The following SEMA3B variants were observed in gnomAD, a reference collection of about 807,000 sequenced individuals.
The protein encoded by SEMA3B is semaphorin-3B.
A neutral mutation model predicts 77.8 loss-of-function variants in SEMA3B; 71 were observed. The ratio of observed to expected loss-of-function variants is 0.91; its 90% CI spans 0.75 to 1.11. The LOEUF (loss-of-function observed/expected upper bound fraction) is 1.11, where lower values mean the gene tolerates loss of function less well. SEMA3B is among the 50% of genes most tolerant of loss of function. The pLI is 0.00. For missense variants in SEMA3B, 968 were observed against 1,056.8 expected (o/e 0.92, Z 1.17); for synonymous variants, 470 against 452.9 (o/e 1.04, Z -0.48).
Position 50,273,484 on chromosome 3 carries a change from CCCCTTTG to C in SEMA3B, c.810+44_811-42del. The C allele has an allele frequency of 6.2e-7, 1 of 1,609,830 alleles. No homozygotes were observed. The highest frequency in any genetic ancestry group is 8.5e-7 in the Non-Finnish European group (1 of 1,176,970). On this transcript the variant is annotated intron_variant, in intron 7 of 16. Transcript: ENST00000616701. The surrounding 1 kb of genome is among the most constrained non-coding windows in gnomAD (Gnocchi z 6.5). The stretch of plus-strand genomic sequence containing the variant: ...GCCACACCCGGCGACCCTGCCCCTA[CCCCTTTG>C]CCTGCCCTGGTCTCGCCCTCATCCC...
upstream of SEMA3B, chr3:50,267,531 C>CCTG (rs1320701515): frequency 6.6e-6 from 1 of 152,448 alleles, no homozygotes; most frequent in Non-Finnish European, 1.5e-5. This position sits in a 1 kb window ranked among gnomAD's most constrained non-coding sequence, Gnocchi z 5.7. Flanking sequence ...GTCCCGGCTG[C>CCTG]CTGCCCGGTC....
chr3:50,275,446 C>T lies in SEMA3B; in HGVS notation c.1636C>T (p.Pro546Ser). ...WDGVACTRFQ[P>S]SAKRRFRRQD... ...CGGGGTCGCGTGCACGCGCTTCCAG[C>T]CCAGTGCCAAGAGGTGGGCGGGGTC... Residue 546 changes from proline (P) to serine (S), a missense_variant, in exon 14 of 17, where the codon CCC becomes TCC. Coordinates refer to ENST00000616701, the MANE Select transcript of SEMA3B (RefSeq NM_001290060.2). This position sits in a 1 kb window ranked among gnomAD's most constrained non-coding sequence, Gnocchi z 7.5. The T allele has an allele frequency of 1.2e-6, 2 of 1,607,438 alleles. No individual in the cohort carries two copies. Among genetic ancestry groups the T allele is most frequent in the Admixed American group, 1.7e-5 (1 of 59,488 alleles).
In SEMA3B at chr3:50,269,187, C is replaced by A; in HGVS notation, c.-54C>A. ...TCCTGGGGCAGAGTCCAGGGCAGCT[C>A]AAGGCTCCTCCACACACACACCCGC... On this transcript the variant is annotated 5_prime_UTR_variant, in exon 1 of 17. Transcript: ENST00000616701. The surrounding 1 kb of genome is among the most constrained non-coding windows in gnomAD (Gnocchi z 4.0). The A allele has an allele frequency of 1.5e-6, 2 of 1,342,184 alleles. No homozygotes were observed. Among genetic ancestry groups the A allele is most frequent in the South Asian group, 1.3e-5 (1 of 79,874 alleles). The allele number at this position is 1,342,184 out of a possible 1,614,324, so 83.1% of individuals were successfully genotyped here.
chr3:50,263,491 C>T (rs1553704161), upstream of SEMA3B: 3 of 122,326 alleles, frequency 2.5e-5, no homozygotes, highest in South Asian at 2.6e-4. Context: ...AAAGCAAGAT[C>T]CTGTCTCAAA....
rs1701237121 is a variant in SEMA3B at position 50,276,191 on chromosome 3, C to T, written c.1846-111C>T. On this transcript the variant is annotated intron_variant, in intron 16 of 16. Transcript: ENST00000616701. This position sits in a 1 kb window ranked among gnomAD's most constrained non-coding sequence, Gnocchi z 5.8. Reference sequence around the variant, plus strand: ...AATGTGCGCCTGCGGGCACCCCTTTCCCGCTCCACCTCGGCTCCCAATGAC... The same window carrying T: ...AATGTGCGCCTGCGGGCACCCCTTTTCCGCTCCACCTCGGCTCCCAATGAC... 1.5e-6 allele frequency: 2 copies of T among 1,367,168 alleles called. No homozygotes were observed. Among genetic ancestry groups the T allele is most frequent in the Non-Finnish European group, 1.9e-6 (2 of 1,045,852 alleles). 84.7% of individuals were successfully genotyped at this position (1,367,168 alleles called of 1,614,324 possible).
At position 50,276,905 on chromosome 3, in the gene SEMA3B, C is replaced by T. The variant is rs13336; in HGVS notation, c.*199C>T. The T allele has an allele frequency of 1.0e-5, 6 of 594,398 alleles. No homozygotes were observed. The highest frequency in any genetic ancestry group is 2.0e-5 in the African/African-American group (1 of 50,834). 36.8% of individuals were successfully genotyped at this position (594,398 alleles called of 1,614,324 possible). ...GGATAACCCTTGAATGTAGCAGCCC[C>T]GGGAGGGCGGCACAGGTCGGGCGCA... On this transcript the variant is annotated 3_prime_UTR_variant, in exon 17 of 17. Transcript: ENST00000616701. The surrounding 1 kb of genome is among the most constrained non-coding windows in gnomAD (Gnocchi z 5.8).
chr3:50,275,876 C>A lies in SEMA3B; in HGVS notation c.1845+32C>A, dbSNP rs782031466. Reference sequence around the variant, plus strand: ...CTTACTCCGCCCTCCCCGCCAGGCTCCTGTCCCACCCCCTGCATCCAGGAG... The same window carrying A: ...CTTACTCCGCCCTCCCCGCCAGGCTACTGTCCCACCCCCTGCATCCAGGAG... On this transcript the variant is annotated intron_variant, in intron 16 of 16. Transcript: ENST00000616701. This position sits in a 1 kb window ranked among gnomAD's most constrained non-coding sequence, Gnocchi z 7.5. 6.4e-7 allele frequency: 1 copy of A among 1,551,694 alleles called. No homozygotes were observed. Among genetic ancestry groups the A allele is most frequent in the South Asian group, 1.2e-5 (1 of 83,510 alleles).
At chr3:50,269,009 G>A, upstream of SEMA3B, 1 of 580,410 alleles carries the variant, frequency 1.7e-6, no homozygotes, top group Admixed American at 3.1e-5. The surrounding 1 kb of genome is among the most constrained non-coding windows in gnomAD (Gnocchi z 4.0). Context: ...GGGTGTGTCT[G>A]TGATTGTGGC....
At position 50,273,537 on chromosome 3, in the gene SEMA3B, C is replaced by T; in HGVS notation, c.813C>T (p.Asn271=). 1 of 1,612,430 alleles carries T rather than the reference C, an allele frequency of 6.2e-7. No individual in the cohort carries two copies. The highest frequency in any genetic ancestry group is 8.5e-7 in the Non-Finnish European group (1 of 1,179,076). Residue 271 remains asparagine (N), a splice_region_variant and synonymous_variant, in exon 8 of 17, where the codon AAC becomes AAT. Coordinates refer to ENST00000616701, the MANE Select transcript of SEMA3B (RefSeq NM_001290060.2). This position sits in a 1 kb window ranked among gnomAD's most constrained non-coding sequence, Gnocchi z 6.5. ...SVSRVGQICR[N]DVGGQRSLVN... ...ATCCCCTTTGATCGTCCCGGCAGAACGACGTGGGCGGCCAGCGCAGCCTGG... is the reference window on the plus strand; with the variant it reads ...ATCCCCTTTGATCGTCCCGGCAGAATGACGTGGGCGGCCAGCGCAGCCTGG...
chr3:50,273,317 A>T lies in SEMA3B; in HGVS notation c.684A>T (p.Val228=). The change falls in exon 7 of 17, where the codon GTA becomes GTT. Residue 228 remains valine (V), a synonymous_variant. Transcript: ENST00000616701. The surrounding 1 kb of genome is among the most constrained non-coding windows in gnomAD (Gnocchi z 6.5). ...GGTCAGAGCCCAAGTTTGTCAAGGT[A>T]TTTTGGATCCCGGAGAGCGAGAACC... ...RWLNEPKFVK[V]FWIPESENPD... 6.2e-7 allele frequency: 1 copy of T among 1,613,886 alleles called. No homozygotes were observed.
Position 50,270,421 on chromosome 3 carries a change from A to G in SEMA3B, c.268-12A>G, listed in dbSNP as rs782045753. ...CCTGACCTGTGTCCCCTCTCCCCCA[A>G]CCTCCCGATAGCTGGCCTGGCCGGC... On this transcript the variant is annotated splice_polypyrimidine_tract_variant and intron_variant, in intron 2 of 16. Coordinates refer to ENST00000616701, the MANE Select transcript of SEMA3B (RefSeq NM_001290060.2). The surrounding 1 kb of genome is among the most constrained non-coding windows in gnomAD (Gnocchi z 4.7). The G allele has an allele frequency of 5.3e-5, 86 of 1,613,276 alleles. No homozygotes were observed. Among genetic ancestry groups the G allele is most frequent in the East Asian group, 6.7e-5 (3 of 44,868 alleles).
chr3:50,276,200 C>G lies in SEMA3B; in HGVS notation c.1846-102C>G, dbSNP rs1484168693. ...CTGCGGGCACCCCTTTCCCGCTCCA[C>G]CTCGGCTCCCAATGACTCTTTGCTT... On this transcript the variant is annotated intron_variant, in intron 16 of 16. Transcript: ENST00000616701. This position sits in a 1 kb window ranked among gnomAD's most constrained non-coding sequence, Gnocchi z 5.8. 1 of 1,391,278 alleles carries G rather than the reference C, an allele frequency of 7.2e-7. No homozygotes were observed. Among genetic ancestry groups the G allele is most frequent in the Non-Finnish European group, 9.4e-7 (1 of 1,067,628 alleles). The allele number at this position is 1,391,278 out of a possible 1,614,324, so 86.2% of individuals were successfully genotyped here. A position where few individuals can be genotyped will look rare whatever the true frequency, so the allele number is the denominator to read the frequency against.
intron 6 of SEMA3B, among the ~76,000 whole-genome samples, chr3:50,272,850 T>C (rs1264365415): frequency 7.1e-5 from 3 of 41,964 alleles, no homozygotes; most frequent in African/African-American, 1.4e-4. Flanking sequence ...AATAAATAAA[T>C]AAACAAATAA....
At chr3:50,265,356 G>A (rs1700877916), upstream of SEMA3B, among the ~76,000 whole-genome samples, 2 of 152,214 alleles carry the variant, frequency 1.3e-5, no homozygotes, top group South Asian at 4.1e-4. Flanking sequence ...ATCCCATCCA[G>A]TCCAGGCTGC....
upstream of SEMA3B, among the ~76,000 whole-genome samples, chr3:50,267,970 G>A (rs143951740): frequency 5.2e-3 from 793 of 152,278 alleles, 8 homozygotes; most frequent in African/African-American, 0.018. The surrounding 1 kb of genome is among the most constrained non-coding windows in gnomAD (Gnocchi z 5.7). Context: ...AGGAGGGTGG[G>A]CATAGCAGCC....
At chr3:50,271,593 C>A in intron 6 of SEMA3B, 113 bp downstream of exon 6, 1 of 1,446,354 alleles carries the variant, frequency 6.9e-7, no homozygotes, top group Non-Finnish European at 9.3e-7. Flanking sequence ...TTACCAAATA[C>A]CCTCCTTAAT....
rs1553705854 is a variant in SEMA3B, at chr3:50,273,628, A to G, written c.904A>G (p.Thr302Ala). Residue 302 changes from threonine (T) to alanine (A), a missense_variant, in exon 8 of 17, where the codon ACC (threonine) becomes GCC (alanine). Physicochemically the swap from Thr to Ala is moderately conservative, Grantham distance 58. Transcript: ENST00000616701. The surrounding 1 kb of genome is among the most constrained non-coding windows in gnomAD (Gnocchi z 6.5). ...CTCGGTGCCCGGCGTCGAGGGCGAC[A>G]CCCACTTCGATCAGCTCCGTGAGTG... is the stretch of plus-strand genomic sequence containing the variant. ...VCSVPGVEGDTHFDQLQDVFL... is the reference protein window; with the variant it reads ...VCSVPGVEGDAHFDQLQDVFL... The G allele has an allele frequency of 1.2e-6, 2 of 1,611,818 alleles. No homozygotes were observed.
In SEMA3B at chr3:50,271,395, C is replaced by T. The variant is rs1210152784; in HGVS notation, c.579C>T (p.Leu193=). 4 of 1,589,754 alleles carry T rather than the reference C, an allele frequency of 2.5e-6. No homozygotes were observed. Among genetic ancestry groups the T allele is most frequent in the African/African-American group, 1.3e-5 (1 of 74,412 alleles). The part of the protein sequence containing the change: ...EELYSGVAAD[L]MGRDFTIFRS... ...TATACTCAGGGGTGGCAGCAGACCT[C>T]ATGGGACGAGACTTTACCATCTTTC... The change falls in exon 6 of 17, where the codon CTC becomes CTT. Residue 193 remains leucine, a synonymous_variant. Transcript: ENST00000616701.
At chr3:50,263,948 A>T (rs1700863331), upstream of SEMA3B, among the ~76,000 whole-genome samples, 1 of 152,150 alleles carries the variant, frequency 6.6e-6, no homozygotes, top group South Asian at 2.1e-4. Flanking sequence ...CTCTAATCCC[A>T]GCACTTTGGG....
Sources: gnomAD v4.1 joint callset for allele counts (sites outside exome capture counted in the v4.1 genomes callset) on GRCh38, gnomAD v4.1.1 for gene constraint, Gnocchi (gnomAD v3.1) non-coding constraint, MANE v1.5 for transcripts, NCBI Gene and HGNC (gene_info 2026-07-23, HGNC 2026-07-21) for gene names.